The following DLG2 variants were observed in gnomAD, a reference collection of about 807,000 sequenced individuals.
DLG2 encodes the protein disks large homolog 2.
DLG2 carries 45 observed loss-of-function variants against 132.5 expected under a neutral mutation model. That is an observed-to-expected ratio of 0.34 (90% CI 0.27 to 0.44). The LOEUF is 0.44. Ranked by LOEUF, DLG2 falls within the 20% of genes least tolerant of loss-of-function variation. The pLI is 1.00. For missense variants in DLG2, 1,045 were observed against 1,196.9 expected, an observed-to-expected ratio of 0.87 and a Z score of 1.87; for synonymous variants, 424 against 419.6, an observed-to-expected ratio of 1.01 and a Z score of -0.13.
intron 9 of DLG2, among the ~76,000 whole-genome samples, chr11:84,102,619 G>C (rs2092624036): frequency 1.3e-5 from 2 of 152,142 alleles, no homozygotes; most frequent in South Asian, 2.1e-4. Context: ...TCACTCAGGA[G>C]GTATTTGGCT....
intron 18 of DLG2, among the ~76,000 whole-genome samples, chr11:83,675,541 C>T (rs952700126): frequency 1.3e-5 from 2 of 152,082 alleles, no homozygotes; most frequent in African/African-American, 4.8e-5. Context: ...AATTCTTGAG[C>T]CTGGTAACAT....
At chr11:83,775,443 C>A (rs1167989427) in intron 18 of DLG2, among the ~76,000 whole-genome samples, 2 of 152,200 alleles carry the variant, frequency 1.3e-5, no homozygotes, top group African/African-American at 4.8e-5. Flanking sequence ...TTCTGTGTCT[C>A]AGTTTCCTCA....
chr11:84,898,091 T>C (rs1283677288), intron 6 of DLG2, among the ~76,000 whole-genome samples: 2 of 151,936 alleles, frequency 1.3e-5, no homozygotes, highest in South Asian at 2.1e-4. Flanking sequence ...GGCTTCACTT[T>C]GCAAAGATAT....
chr11:83,990,507 G>A (rs35292700), intron 11 of DLG2, among the ~76,000 whole-genome samples: 3,392 of 152,206 alleles, frequency 0.022, 68 homozygotes, highest in Middle Eastern at 0.044. Flanking sequence ...CTTGCTGCCC[G>A]CCTACGCTGA....
intron 3 of DLG2, among the ~76,000 whole-genome samples, chr11:85,529,996 T>C (rs930075181): frequency 2.7e-5 from 4 of 149,912 alleles, no homozygotes; most frequent in Admixed American, 6.6e-5. Context: ...TGTTTTTTTT[T>C]TTTTTTTTTT....
At chr11:85,503,989 G>T (rs549892361) in intron 3 of DLG2, among the ~76,000 whole-genome samples, 2 of 152,118 alleles carry the variant, frequency 1.3e-5, no homozygotes, top group East Asian at 3.8e-4. Context: ...TCATGTGTCT[G>T]TTGGCTGCAT....
chr11:85,384,124 TTATAA>T (rs2086128978), intron 3 of DLG2, among the ~76,000 whole-genome samples: 1 of 152,214 alleles, frequency 6.6e-6, no homozygotes, highest in Non-Finnish European at 1.5e-5. Flanking sequence ...ACAGCAGGTC[TTATAA>T]TACATATGAA....
At chr11:83,844,931 T>G (rs35235453) in intron 16 of DLG2, among the ~76,000 whole-genome samples, 2,579 of 152,298 alleles carry the variant, frequency 0.017, 34 homozygotes, top group South Asian at 0.031. Flanking sequence ...CCTAGTGTTT[T>G]TCCTATTGAG....
intron 3 of DLG2, among the ~76,000 whole-genome samples, chr11:85,335,258 CTGTT>C (rs2082049445): frequency 2.1e-5 from 3 of 142,530 alleles, no homozygotes; most frequent in Non-Finnish European, 4.6e-5. Flanking sequence ...TTTTTGTTTT[CTGTT>C]TGTTTAATAA....
At chr11:83,588,653 G>C (rs987752254) in intron 19 of DLG2, among the ~76,000 whole-genome samples, 2 of 151,456 alleles carry the variant, frequency 1.3e-5, no homozygotes, top group East Asian at 2.0e-4. Flanking sequence ...TGACTTTGAC[G>C]AGCTGAGAGA....
intron 7 of DLG2, among the ~76,000 whole-genome samples, chr11:84,314,792 T>C (rs1211115291): frequency 6.6e-6 from 1 of 151,884 alleles, no homozygotes; most frequent in Non-Finnish European, 1.5e-5. Context: ...TGAATACATA[T>C]ATTAAAGTCT....
intron 6 of DLG2, among the ~76,000 whole-genome samples, chr11:84,914,042 T>G (rs1437840134): frequency 6.6e-6 from 1 of 152,336 alleles, no homozygotes; most frequent in South Asian, 2.1e-4. Flanking sequence ...AAAAATGAAT[T>G]AGACACTTTT....
chr11:85,386,127 G>A (rs1225535177), intron 3 of DLG2, among the ~76,000 whole-genome samples: 1 of 152,174 alleles, frequency 6.6e-6, no homozygotes, highest in Non-Finnish European at 1.5e-5. Flanking sequence ...GAGGAAATAT[G>A]AAATTGTGGA....
At chr11:84,678,547 T>C (rs892409756) in intron 6 of DLG2, among the ~76,000 whole-genome samples, 2 of 152,096 alleles carry the variant, frequency 1.3e-5, no homozygotes, top group Non-Finnish European at 1.5e-5. Context: ...AGCTTCATTG[T>C]CTATACTGAT....
chr11:85,375,156 G>A (rs1398859808), intron 3 of DLG2, among the ~76,000 whole-genome samples: 1 of 146,344 alleles, frequency 6.8e-6, no homozygotes, highest in Non-Finnish European at 1.5e-5. Flanking sequence ...TTCTCTAGTT[G>A]TAATGATACT....
At chr11:83,782,875 C>A (rs1010396447) in intron 18 of DLG2, among the ~76,000 whole-genome samples, 21 of 151,946 alleles carry the variant, frequency 1.4e-4, no homozygotes, top group African/African-American at 5.1e-4. Flanking sequence ...GGAAGGGGTA[C>A]CTGTGGGTGC....
At chr11:84,195,649 T>G (rs1035550219) in intron 8 of DLG2, among the ~76,000 whole-genome samples, 1 of 152,170 alleles carries the variant, frequency 6.6e-6, no homozygotes, top group African/African-American at 2.4e-5. Flanking sequence ...ATCTAGAAAA[T>G]TGGGATAAAA....
chr11:85,053,821 T>C (rs951526171), intron 6 of DLG2, among the ~76,000 whole-genome samples: 10 of 130,272 alleles, frequency 7.7e-5, no homozygotes, highest in African/African-American at 2.5e-4. Context: ...AAAAAAAAAA[T>C]TCATGGTGAG....
chr11:83,519,043 A>G (rs1338712726), intron 21 of DLG2, among the ~76,000 whole-genome samples: 6 of 152,158 alleles, frequency 3.9e-5, no homozygotes. Context: ...CACAGTGCAG[A>G]GAGAGCAGCC....
Sources: gnomAD v4.1 joint callset for allele counts (sites outside exome capture counted in the v4.1 genomes callset) on GRCh38, gnomAD v4.1.1 for gene constraint, MANE v1.5 for transcripts, NCBI Gene and HGNC (gene_info 2026-07-23, HGNC 2026-07-21) for gene names.